NLGN1: variants seen among roughly 807,000 people sequenced by gnomAD.
The protein encoded by NLGN1 is neuroligin 1.
A neutral mutation model predicts 65.5 loss-of-function variants in NLGN1; 12 were observed. The ratio of observed to expected loss-of-function variants is 0.18; its 90% CI spans 0.12 to 0.30. The LOEUF (loss-of-function observed/expected upper bound fraction) is 0.30, where lower values mean the gene tolerates loss of function less well. NLGN1 is among the 10% of genes least tolerant of loss of function. The pLI, the probability that NLGN1 is intolerant of heterozygous loss-of-function variation, is 1.00. For synonymous variants in NLGN1, 350 were observed against 359.5 expected, an observed-to-expected ratio of 0.97 and a Z score of 0.30; for missense variants, 750 against 1,007.1, an observed-to-expected ratio of 0.74 and a Z score of 3.46.
chr3:173,789,345 A>G (rs1006690867), intron 3 of NLGN1, among the ~76,000 whole-genome samples: 4 of 152,198 alleles, frequency 2.6e-5, no homozygotes, highest in African/African-American at 4.8e-5. Flanking sequence ...TGTTGTAACC[A>G]GGCTTCTTTT....
chr3:174,242,619 T>G (rs918792337), intron 4 of NLGN1, among the ~76,000 whole-genome samples: 2 of 152,092 alleles, frequency 1.3e-5, no homozygotes, highest in Admixed American at 1.3e-4. Flanking sequence ...ATCTGATGCC[T>G]GATGATCTGT....
At chr3:173,747,801 C>CTTCTTCTTTTTTTTTTTTTT (rs1775714048) in intron 3 of NLGN1, among the ~76,000 whole-genome samples, 3 of 64,422 alleles carry the variant, frequency 4.7e-5, no homozygotes, top group African/African-American at 1.2e-4. Flanking sequence ...TCTTCTTGTT[C>CTTCTTCTTTTTTTTTTTTTT]TTTTTTTTTT....
chr3:173,515,373 A>G (rs965772657), intron 2 of NLGN1, among the ~76,000 whole-genome samples: 1 of 152,066 alleles, frequency 6.6e-6, no homozygotes, highest in Non-Finnish European at 1.5e-5. Context: ...TCCCTTATAT[A>G]TTTTGGAGTT....
At chr3:173,873,219 G>C (rs1335032222) in intron 4 of NLGN1, among the ~76,000 whole-genome samples, 2 of 151,774 alleles carry the variant, frequency 1.3e-5, no homozygotes, top group Admixed American at 1.3e-4. Flanking sequence ...CTCCCAAGTA[G>C]CTGGGATTAC....
intron 4 of NLGN1, among the ~76,000 whole-genome samples, chr3:174,189,564 C>T (rs1732004438): frequency 6.6e-6 from 1 of 151,854 alleles, no homozygotes; most frequent in African/African-American, 2.4e-5. Flanking sequence ...ATTTGAGGTA[C>T]TGGGATATAA....
chr3:173,942,004 C>T (rs778049832), intron 4 of NLGN1, among the ~76,000 whole-genome samples: 4 of 151,444 alleles, frequency 2.6e-5, no homozygotes, highest in South Asian at 2.1e-4. Flanking sequence ...ATGCTGACAC[C>T]GAGAGATGTC....
intron 4 of NLGN1, among the ~76,000 whole-genome samples, chr3:174,056,361 AAAT>A (rs1484131252): frequency 2.0e-5 from 3 of 151,950 alleles, no homozygotes; most frequent in Non-Finnish European, 4.4e-5. Context: ...GCTTCTTTTT[AAAT>A]AATATTTTTT....
rs77786820 is a variant in NLGN1, at chr3:174,153,878, T to C, written c.647-121437T>C. Among the ~76,000 whole-genome samples, 395 of 152,166 alleles carry C rather than the reference T, an allele frequency of 2.6e-3. 2 individuals carry two copies. The highest frequency in any genetic ancestry group is 9.1e-3 in the African/African-American group (378 of 41,530). ...TGGTGGTACATGCCTGTGCTTTGAGTGAATTCAGCTGAATTTCTCTCCTTT... is the reference window on the plus strand; with the variant it reads ...TGGTGGTACATGCCTGTGCTTTGAGCGAATTCAGCTGAATTTCTCTCCTTT... On this transcript the variant is annotated intron_variant, in intron 4 of 6. Coordinates refer to ENST00000457714, the Ensembl canonical transcript of NLGN1.
intron 4 of NLGN1, among the ~76,000 whole-genome samples, chr3:174,170,509 G>A (rs1293680968): frequency 2.6e-5 from 4 of 152,150 alleles, no homozygotes; most frequent in African/African-American, 4.8e-5. Flanking sequence ...ACTTCAAACA[G>A]TCCTCCTTCG....
intron 4 of NLGN1, among the ~76,000 whole-genome samples, chr3:174,058,489 T>G (rs1231795561): frequency 1.3e-5 from 2 of 152,094 alleles, no homozygotes; most frequent in African/African-American, 4.8e-5. Flanking sequence ...TTCATCTTGC[T>G]TCTTTCTTAC....
chr3:174,033,881 A>G (rs950285092), intron 4 of NLGN1, among the ~76,000 whole-genome samples: 1 of 152,198 alleles, frequency 6.6e-6, no homozygotes, highest in African/African-American at 2.4e-5. Context: ...GGAGCAGAAG[A>G]TATCCTGAAA....
intron 4 of NLGN1, among the ~76,000 whole-genome samples, chr3:173,958,760 A>G (rs892221470): frequency 5.3e-5 from 8 of 152,072 alleles, no homozygotes; most frequent in African/African-American, 1.2e-4. Flanking sequence ...GCCTCCTGCC[A>G]TTGTTCATGG....
At chr3:173,849,084 G>T (rs1293460604) in intron 4 of NLGN1, among the ~76,000 whole-genome samples, 1 of 151,978 alleles carries the variant, frequency 6.6e-6, no homozygotes, top group Admixed American at 6.6e-5. Context: ...ATTTTCCTTG[G>T]ACTATAGATA....
At chr3:174,017,553 G>A (rs944797247) in intron 4 of NLGN1, among the ~76,000 whole-genome samples, 14 of 152,188 alleles carry the variant, frequency 9.2e-5, no homozygotes, top group South Asian at 2.1e-4. Flanking sequence ...ATTAATTCAC[G>A]TAGGTTCTTT....
At chr3:173,980,290 G>A (rs1718473855) in intron 4 of NLGN1, among the ~76,000 whole-genome samples, 1 of 151,850 alleles carries the variant, frequency 6.6e-6, no homozygotes, top group Non-Finnish European at 1.5e-5. Context: ...TTTACTTCAT[G>A]TTATTTTCAG....
rs74409884 is a variant in NLGN1 at position 173,984,096 on chromosome 3, A to G, written c.646+176264A>G. Among the ~76,000 whole-genome samples the G allele has an allele frequency of 9.4e-3, 1,435 of 152,284 alleles. 18 individuals carry two copies. Among genetic ancestry groups the G allele is most frequent in the Middle Eastern group, 0.017 (5 of 294 alleles). On this transcript the variant is annotated intron_variant, in intron 4 of 6. Transcript: ENST00000457714. Reference sequence around the variant, plus strand: ...ACAATGTGATGCCCCAGGTGATTTTAATTATCTGGTTAAGTGGCTCTTCTC... The same window carrying G: ...ACAATGTGATGCCCCAGGTGATTTTGATTATCTGGTTAAGTGGCTCTTCTC...
intron 3 of NLGN1, among the ~76,000 whole-genome samples, chr3:173,786,551 TACAC>T (rs71635772): frequency 1.5e-3 from 229 of 151,068 alleles, no homozygotes; most frequent in Admixed American, 2.6e-3. Context: ...ATGTGTGTAA[TACAC>T]ACACACACAC....
chr3:173,742,530 C>T (rs1774809964), intron 3 of NLGN1, among the ~76,000 whole-genome samples: 1 of 152,060 alleles, frequency 6.6e-6, no homozygotes, highest in Non-Finnish European at 1.5e-5. Flanking sequence ...GATGAAGAAG[C>T]TGAGTGTCAG....
chr3:173,568,593 GT>G (rs1438075107), intron 2 of NLGN1, among the ~76,000 whole-genome samples: 1 of 152,176 alleles, frequency 6.6e-6, no homozygotes, highest in African/African-American at 2.4e-5. Flanking sequence ...TTGAGCAACA[GT>G]GAACAAAAGT....
Sources: allele counts gnomAD v4.1 joint callset (sites outside exome capture counted in the v4.1 genomes callset), GRCh38; gene constraint gnomAD v4.1.1; transcripts MANE v1.5; gene names NCBI Gene and HGNC (gene_info 2026-07-23, HGNC 2026-07-21).